The following MCC variants were observed in gnomAD, a reference collection of about 807,000 sequenced individuals.
MCC encodes the protein colorectal mutant cancer protein.
Under a neutral mutation model 116.2 loss-of-function variants are expected in MCC, and 90 were observed. The ratio of observed to expected loss-of-function variants is 0.77; its 90% CI spans 0.65 to 0.92. MCC has a LOEUF of 0.92. Among genes scored for constraint, MCC ranks in the 40% least tolerant of loss-of-function variants. The pLI is 0.00. For synonymous variants in MCC, 578 were observed against 510.5 expected (o/e 1.13, Z -1.78); for missense variants, 1,516 against 1,312.2 (o/e 1.16, Z -2.40).
chr5:113,173,542 G>C (rs371708232), intron 3 of MCC, among the ~76,000 whole-genome samples: 1 of 152,126 alleles, frequency 6.6e-6, no homozygotes, highest in South Asian at 2.1e-4. Flanking sequence ...AATCCCATGA[G>C]GCTCTGGATC....
At chr5:113,037,036 A>C (rs1751374975) in intron 17 of MCC, among the ~76,000 whole-genome samples, 1 of 152,238 alleles carries the variant, frequency 6.6e-6, no homozygotes, top group Non-Finnish European at 1.5e-5. Flanking sequence ...AGAATCAGCA[A>C]GTTTAAATAA....
intron 1 of MCC, among the ~76,000 whole-genome samples, chr5:113,441,337 TCAAAACAAAA>T (rs200868338): frequency 3.3e-5 from 5 of 151,960 alleles, no homozygotes; most frequent in Non-Finnish European, 5.9e-5. Context: ...AGACACTGTC[TCAAAACAAAA>T]CAAAACAAAA....
At chr5:113,313,290 T>C (rs778568040) in intron 3 of MCC, among the ~76,000 whole-genome samples, 8 of 152,104 alleles carry the variant, frequency 5.3e-5, no homozygotes, top group Non-Finnish European at 5.9e-5. Context: ...GAGGTTGCAG[T>C]GAGCCAAGAT....
At chr5:113,315,704 C>CAAAAAAAAA (rs35274366) in intron 3 of MCC, among the ~76,000 whole-genome samples, 1 of 64,462 alleles carries the variant, frequency 1.6e-5, no homozygotes, top group Admixed American at 2.0e-4. Flanking sequence ...CCCATCTCTA[C>CAAAAAAAAA]AAAAAAAAAA....
At chr5:113,209,757 C>G (rs1412710925) in intron 3 of MCC, among the ~76,000 whole-genome samples, 2 of 152,128 alleles carry the variant, frequency 1.3e-5, no homozygotes, top group East Asian at 3.9e-4. Context: ...TACAGGGAAT[C>G]GTGTACTTCC....
At chr5:113,044,660 T>C (rs1405983767) in intron 16 of MCC, 1 of 160,730 alleles carries the variant, frequency 6.2e-6, no homozygotes, top group Non-Finnish European at 1.3e-5. Flanking sequence ...CTACAACTTC[T>C]GCCTCCTGGG....
At position 113,022,409 on chromosome 5, in the gene MCC, T is replaced by C. The variant is rs1390135108; in HGVS notation, c.*4893A>G. 5 of 152,662 alleles carry C rather than the reference T, an allele frequency of 3.3e-5. No individual in the cohort carries two copies. The highest frequency in any genetic ancestry group is 9.6e-5 in the African/African-American group (4 of 41,454). The allele number at this position is 152,662 out of a possible 1,614,324, so 9.5% of individuals were successfully genotyped here. A position where few individuals can be genotyped will look rare whatever the true frequency, so the allele number is the denominator to read the frequency against. ...ATGTGCTTTAATAACTGACAATACA[T>C]TCAAGCAGGTTTTTCTAATTCAAGT... On this transcript the variant is annotated 3_prime_UTR_variant, in exon 19 of 19. Transcript: ENST00000408903.
intron 1 of MCC, among the ~76,000 whole-genome samples, chr5:113,482,990 T>C (rs1225887628): frequency 6.6e-6 from 1 of 152,182 alleles, no homozygotes; most frequent in Non-Finnish European, 1.5e-5. Flanking sequence ...TGTCCCCATA[T>C]CATTTCTCAA....
chr5:113,098,271 C>T (rs773504686), intron 8 of MCC, among the ~76,000 whole-genome samples: 1 of 152,190 alleles, frequency 6.6e-6, no homozygotes, highest in Non-Finnish European at 1.5e-5. Flanking sequence ...ACACGACTCT[C>T]TGGGGAGCTC....
chr5:113,477,530 C>A (rs1277924536), intron 1 of MCC, among the ~76,000 whole-genome samples: 1 of 152,184 alleles, frequency 6.6e-6, no homozygotes, highest in African/African-American at 2.4e-5. Flanking sequence ...TACATTTACA[C>A]CAACTTGCTG....
At chr5:113,396,804 T>C (rs1475683331) in intron 1 of MCC, among the ~76,000 whole-genome samples, 1 of 152,146 alleles carries the variant, frequency 6.6e-6, no homozygotes, top group Non-Finnish European at 1.5e-5. Context: ...TGGCATATAA[T>C]AGGTACTTGG....
chr5:113,294,930 T>G, intron 3 of MCC: 1 of 985,346 alleles, frequency 1.0e-6, no homozygotes, highest in African/African-American at 1.7e-5. Flanking sequence ...TCGAATCGTC[T>G]GGAGTTGTAA....
chr5:113,220,599 G>A (rs1479928402), intron 3 of MCC, among the ~76,000 whole-genome samples: 3 of 152,018 alleles, frequency 2.0e-5, no homozygotes, highest in Admixed American at 2.0e-4. Context: ...TACTGTTTTA[G>A]AATTTCAATT....
intron 1 of MCC, among the ~76,000 whole-genome samples, chr5:113,462,019 T>C (rs889430076): frequency 6.6e-6 from 1 of 152,176 alleles, no homozygotes; most frequent in Non-Finnish European, 1.5e-5. Context: ...AGTAAAAGGG[T>C]TTAACCTGCA....
At chr5:113,193,659 A>G (rs1762251216) in intron 3 of MCC, among the ~76,000 whole-genome samples, 1 of 152,206 alleles carries the variant, frequency 6.6e-6, no homozygotes, top group African/African-American at 2.4e-5. Context: ...AAGTAGGAAT[A>G]AAATTTGTTC....
At chr5:113,231,449 A>T (rs1014257508) in intron 3 of MCC, among the ~76,000 whole-genome samples, 2 of 152,314 alleles carry the variant, frequency 1.3e-5, no homozygotes, top group Admixed American at 6.5e-5. Flanking sequence ...TTACCAAGTT[A>T]CAATGAAAGA....
At chr5:113,387,364 A>G (rs1322016875) in intron 1 of MCC, among the ~76,000 whole-genome samples, 1 of 152,226 alleles carries the variant, frequency 6.6e-6, no homozygotes, top group Non-Finnish European at 1.5e-5. Flanking sequence ...ATTTTCATAT[A>G]ATATTTTCAT....
At position 113,188,121 on chromosome 5, in the gene MCC, A is replaced by G. The variant is rs377289239; in HGVS notation, c.628-36699T>C. ...TGTATTATTTACAGCCGAGGAAGCA[A>G]GGACCTCAGATGGTACTGAAACAAC... On this transcript the variant is annotated intron_variant, in intron 3 of 18. Transcript: ENST00000408903. 1.1e-4 allele frequency among the ~76,000 whole-genome samples: 16 copies of G among 152,344 alleles called. 2 individuals are homozygous for G. The highest frequency in any genetic ancestry group is 2.0e-4 in the Admixed American group (3 of 15,310).
At chr5:113,129,314 G>T (rs1758288544) in intron 5 of MCC, among the ~76,000 whole-genome samples, 1 of 152,052 alleles carries the variant, frequency 6.6e-6, no homozygotes, top group Admixed American at 6.6e-5. Context: ...GAGGGCCTAG[G>T]GTCAAATGCC....
Sources: gnomAD v4.1 joint callset for allele counts (sites outside exome capture counted in the v4.1 genomes callset) on GRCh38, gnomAD v4.1.1 for gene constraint, MANE v1.5 for transcripts, NCBI Gene and HGNC (gene_info 2026-07-23, HGNC 2026-07-21) for gene names.